Variants in COL24A1 observed in about 807,000 individuals in gnomAD.
The protein encoded by COL24A1 is collagen type XXIV alpha 1 chain, also known as collagen alpha-1(XXIV) chain.
COL24A1 carries 224 observed loss-of-function variants against 253.9 expected under a neutral mutation model. The observed-to-expected ratio is 0.88, with a 90% confidence interval of 0.79 to 0.99. The LOEUF is 0.99. Ranked by LOEUF, COL24A1 falls within the 50% of genes least tolerant of loss-of-function variation. The pLI is 0.00. For missense variants in COL24A1, 2,131 were observed against 2,068.5 expected (o/e 1.03, Z -0.59); for synonymous variants, 685 against 673.7 (o/e 1.02, Z -0.26).
intron 35 of COL24A1, among the ~76,000 whole-genome samples, chr1:85,872,853 T>C (rs1184092872): frequency 6.6e-6 from 1 of 152,048 alleles, no homozygotes; most frequent in East Asian, 1.9e-4. Context: ...CTAATTAAAC[T>C]AAAGAGCTTC....
At chr1:85,941,363 T>G (rs1688739193) in intron 24 of COL24A1, among the ~76,000 whole-genome samples, 1 of 151,956 alleles carries the variant, frequency 6.6e-6, no homozygotes, top group African/African-American at 2.4e-5. Flanking sequence ...TAACTACAAA[T>G]GAGGAAAATA....
intron 2 of COL24A1, among the ~76,000 whole-genome samples, chr1:86,132,143 G>T (rs1049731329): frequency 4.6e-5 from 7 of 152,252 alleles, no homozygotes; most frequent in South Asian, 2.1e-4. Flanking sequence ...TCATGTGTCT[G>T]TTGGCTGCAT....
At chr1:85,914,304 ATG>A (rs71078628) in intron 24 of COL24A1, among the ~76,000 whole-genome samples, 46,907 of 138,930 alleles carry the variant, frequency 0.34, 7,834 homozygotes, top group Non-Finnish European at 0.39. Flanking sequence ...TTTGTCATGA[ATG>A]TGTGTGTGTG....
At chr1:85,847,132 T>C (rs1277310500) in intron 39 of COL24A1, among the ~76,000 whole-genome samples, 1 of 152,102 alleles carries the variant, frequency 6.6e-6, no homozygotes, top group African/African-American at 2.4e-5. Flanking sequence ...AATATAAGAG[T>C]TCATAAGTAT....
chr1:85,784,113 T>A lies in COL24A1; in HGVS notation c.4221A>T (p.Lys1407Asn). The A allele has an allele frequency of 6.2e-7, 1 of 1,611,648 alleles. No homozygotes were observed. ...ACTAGAAGAAAGTATGTAAACATAC[T>A]TTAGGGCCTGGGAATCCTTGGAAAC... is the stretch of plus-strand genomic sequence containing the variant. ...LTGFQGFPGP[K>N]GPEGDAGIVG... is the part of the protein sequence containing the mutation. Residue 1407 changes from lysine to asparagine, a missense_variant and splice_region_variant, in exon 50 of 60, where the codon AAA becomes AAT. Transcript: ENST00000370571.
At chr1:85,942,250 C>G (rs1688820978) in intron 24 of COL24A1, among the ~76,000 whole-genome samples, 1 of 152,130 alleles carries the variant, frequency 6.6e-6, no homozygotes, top group Admixed American at 6.5e-5. Flanking sequence ...AGGATAGCAT[C>G]TTTGAGATAT....
intron 37 of COL24A1, among the ~76,000 whole-genome samples, chr1:85,867,328 T>C (rs1472611993): frequency 4.6e-5 from 7 of 152,242 alleles, no homozygotes; most frequent in African/African-American, 1.2e-4. Flanking sequence ...CCTCAGTCTT[T>C]ACTGAGCCCC....
intron 35 of COL24A1, among the ~76,000 whole-genome samples, chr1:85,872,486 A>G (rs1176077556): frequency 6.6e-6 from 1 of 152,064 alleles, no homozygotes; most frequent in Non-Finnish European, 1.5e-5. Flanking sequence ...GTACCAAAAC[A>G]GAGATATATA....
In COL24A1 at chr1:85,907,017, TTA is replaced by T. The variant is rs571577486; in HGVS notation, c.2778+175_2778+176del. ...AATGTGATTTTATAACTACAAAAGA[TTA>T]TGAGTTGTATTTCAATTAACATAGG... On this transcript the variant is annotated intron_variant, in intron 28 of 59. Coordinates refer to ENST00000370571, the MANE Select transcript of COL24A1 (RefSeq NM_152890.7). 7.1e-4 allele frequency among the ~76,000 whole-genome samples: 108 copies of T among 152,004 alleles called. No individual in the cohort carries two copies. The Middle Eastern group carries it at 0.02, about 29-fold the overall frequency.
intron 1 of COL24A1, chr1:86,154,626 C>T (rs1653246205): frequency 6.5e-6 from 1 of 152,712 alleles, no homozygotes; most frequent in African/African-American, 2.4e-5. Flanking sequence ...TTATGCAGGG[C>T]CTTTTCTGGG....
chr1:85,801,266 T>C (rs1464003766), intron 47 of COL24A1, among the ~76,000 whole-genome samples: 1 of 152,150 alleles, frequency 6.6e-6, no homozygotes, highest in African/African-American at 2.4e-5. Context: ...CCCAGATCCA[T>C]TTACCACCCC....
intron 7 of COL24A1, among the ~76,000 whole-genome samples, chr1:86,075,452 T>C (rs976352526): frequency 6.6e-6 from 1 of 152,146 alleles, no homozygotes; most frequent in Non-Finnish European, 1.5e-5. Flanking sequence ...ATAGCCGAAT[T>C]GTAACAGAGG....
intron 19 of COL24A1, among the ~76,000 whole-genome samples, chr1:85,991,981 A>G (rs892419501): frequency 1.3e-5 from 2 of 151,280 alleles, no homozygotes; most frequent in African/African-American, 4.9e-5. Flanking sequence ...TACATATGTT[A>G]CATATGTAAC....
At chr1:86,133,263 G>A (rs1488714989) in intron 2 of COL24A1, among the ~76,000 whole-genome samples, 2 of 151,974 alleles carry the variant, frequency 1.3e-5, no homozygotes, top group Non-Finnish European at 2.9e-5. Context: ...TGAGACGATG[G>A]GGTTTTCTAG....
In COL24A1 at chr1:85,868,600, A is replaced by G. The variant is rs1257800545; in HGVS notation, c.3219T>C (p.Pro1073=). 1 of 1,613,880 alleles carries G rather than the reference A, an allele frequency of 6.2e-7. No individual in the cohort carries two copies. Among genetic ancestry groups the G allele is most frequent in the Admixed American group, 1.7e-5 (1 of 59,964 alleles). ...TCTCTCCTTTTTCTCCATCCTCTCC[A>G]GGAAGTCCCCTTCCTCCTGGTACTC... ...LKGVPGGRGL[P]GEDGEKGEMG... Residue 1073 remains proline, a synonymous_variant, in exon 37 of 60, where the codon CCT becomes CCC. Transcript: ENST00000370571.
At chr1:85,913,586 C>T (rs917762230) in intron 24 of COL24A1, among the ~76,000 whole-genome samples, 7 of 152,252 alleles carry the variant, frequency 4.6e-5, no homozygotes, top group South Asian at 2.1e-4. Context: ...GACTGCCATC[C>T]GGCCACTTTG....
intron 32 of COL24A1, 25 bp downstream of exon 32, chr1:85,889,535 T>C (rs762462526): frequency 6.3e-7 from 1 of 1,592,056 alleles, no homozygotes; most frequent in Admixed American, 1.7e-5. Flanking sequence ...AAGACACAAT[T>C]AGAAAAGTAT....
At chr1:86,058,483 T>G (rs2101741302) in intron 9 of COL24A1, among the ~76,000 whole-genome samples, 1 of 151,324 alleles carries the variant, frequency 6.6e-6, no homozygotes, top group East Asian at 2.0e-4. Context: ...TGTTAACAAT[T>G]TTTTTCTTAT....
At chr1:86,034,076 T>C (rs1034233133) in intron 12 of COL24A1, among the ~76,000 whole-genome samples, 153 bp from the exon 13 acceptor site, 2 of 152,196 alleles carry the variant, frequency 1.3e-5, no homozygotes, top group Admixed American at 6.6e-5. Flanking sequence ...GCTTAATTGA[T>C]TTTAAATACA....
Sources: gnomAD v4.1 joint callset for allele counts (sites outside exome capture counted in the v4.1 genomes callset) on GRCh38, gnomAD v4.1.1 for gene constraint, MANE v1.5 for transcripts, NCBI Gene and HGNC (gene_info 2026-07-23, HGNC 2026-07-21) for gene names.